The following PBRM1 variants were observed in gnomAD, a reference collection of about 807,000 sequenced individuals.
PBRM1 encodes the protein protein polybromo-1.
Under a neutral mutation model 194.5 loss-of-function variants are expected in PBRM1, and 27 were observed. The ratio of observed to expected loss-of-function variants is 0.14; its 90% CI spans 0.10 to 0.19. The LOEUF (loss-of-function observed/expected upper bound fraction) is 0.19, where lower values mean the gene tolerates loss of function less well. PBRM1 is among the 10% of genes least tolerant of loss of function. The pLI, the probability that PBRM1 is intolerant of heterozygous loss-of-function variation, is 1.00. For synonymous variants in PBRM1, 655 were observed against 693.2 expected (o/e 0.94, Z 0.87); for missense variants, 1,466 against 2,077.2 (o/e 0.71, Z 5.72).
chr3:52,614,405 A>C (rs2094835980), intron 15 of PBRM1, among the ~76,000 whole-genome samples: 2 of 150,600 alleles, frequency 1.3e-5, no homozygotes, highest in African/African-American at 2.4e-5. Context: ...AAAAGCAAAA[A>C]AGCTAGTCTG....
chr3:52,581,379 G>A (rs930168892), intron 20 of PBRM1, among the ~76,000 whole-genome samples: 1 of 152,004 alleles, frequency 6.6e-6, no homozygotes, highest in Non-Finnish European at 1.5e-5. Context: ...GCATGATGGT[G>A]CGCGCCTGTA....
At chr3:52,645,116 C>G (rs1329569055) in intron 7 of PBRM1, among the ~76,000 whole-genome samples, 1 of 152,202 alleles carries the variant, frequency 6.6e-6, no homozygotes, top group African/African-American at 2.4e-5. Context: ...CAGTGGATGC[C>G]TGAAACCTTG....
chr3:52,554,265 G>T (rs2081732483), intron 27 of PBRM1, among the ~76,000 whole-genome samples: 1 of 152,226 alleles, frequency 6.6e-6, no homozygotes, highest in Admixed American at 6.5e-5. Flanking sequence ...AGTAGGAGAT[G>T]GAACAGATAC....
chr3:52,551,752 A>G (rs1469207850), intron 27 of PBRM1: 1 of 152,242 alleles, frequency 6.6e-6, no homozygotes, highest in Non-Finnish European at 1.5e-5. Context: ...CTGGCTGTGT[A>G]GAAGAATCGA....
At chr3:52,546,330 GATTT>G (rs2079671837), downstream of PBRM1, 1 of 231,940 alleles carries the variant, frequency 4.3e-6, no homozygotes, top group Non-Finnish European at 8.5e-6. Context: ...AGGAATTGAA[GATTT>G]ATCTGACTCA....
intron 27 of PBRM1, among the ~76,000 whole-genome samples, chr3:52,551,386 T>C (rs1451731186): frequency 6.6e-6 from 1 of 152,224 alleles, no homozygotes; most frequent in East Asian, 1.9e-4. Flanking sequence ...CACTTCCATC[T>C]GATAGAGTAG....
At chr3:52,601,129 G>A (rs1189870230) in intron 17 of PBRM1, among the ~76,000 whole-genome samples, 1 of 152,216 alleles carries the variant, frequency 6.6e-6, no homozygotes. Context: ...CCCTGAAGAT[G>A]TATCTGTGGT....
exon 17 of PBRM1, chr3:52,603,525 T>C: frequency 1.3e-6 from 2 of 1,595,862 alleles, no homozygotes; most frequent in Non-Finnish European, 8.6e-7. Context: ...ACCAACCTCT[T>C]TTTTCTTCTT....
At chr3:52,614,373 CAAAAAAAAAAAAA>C (rs1165930996) in intron 15 of PBRM1, among the ~76,000 whole-genome samples, 2 of 40,920 alleles carry the variant, frequency 4.9e-5, no homozygotes, top group African/African-American at 1.8e-4. Flanking sequence ...GATGCTTCAT[CAAAAAAAAAAAAA>C]AAAAAAAAAA....
intron 26 of PBRM1, among the ~76,000 whole-genome samples, chr3:52,556,570 G>T (rs2082267720): frequency 1.3e-5 from 2 of 152,204 alleles, no homozygotes; most frequent in African/African-American, 4.8e-5. Context: ...TGAAAGACAT[G>T]ACACTTGTCT....
chr3:52,671,266 T>C (rs1265486270), intron 2 of PBRM1, among the ~76,000 whole-genome samples: 1 of 152,170 alleles, frequency 6.6e-6, no homozygotes, highest in Non-Finnish European at 1.5e-5. Context: ...ATACTAATTC[T>C]CATAAATACT....
At chr3:52,597,161 T>A (rs903624442) in intron 17 of PBRM1, among the ~76,000 whole-genome samples, 4 of 152,220 alleles carry the variant, frequency 2.6e-5, no homozygotes, top group Non-Finnish European at 5.9e-5. Context: ...ACACAGCTGA[T>A]GCTGGGGTAT....
intron 10 of PBRM1, among the ~76,000 whole-genome samples, chr3:52,636,757 CAAAAAA>C (rs567776784): frequency 0.019 from 351 of 18,608 alleles, 1 homozygote; most frequent in East Asian, 0.13. Context: ...ACTCTGTCTC[CAAAAAA>C]AAAAAAAAAA....
At chr3:52,657,666 C>T (rs2096633759) in intron 5 of PBRM1, among the ~76,000 whole-genome samples, 1 of 152,076 alleles carries the variant, frequency 6.6e-6, no homozygotes, top group Non-Finnish European at 1.5e-5. Flanking sequence ...GATGGGTTTT[C>T]ACCACATTGG....
At chr3:52,604,007 T>A (rs1010490720) in intron 16 of PBRM1, among the ~76,000 whole-genome samples, 2 of 152,216 alleles carry the variant, frequency 1.3e-5, no homozygotes, top group Non-Finnish European at 2.9e-5. Flanking sequence ...CTTGGAGATA[T>A]ATGGCACACG....
At chr3:52,565,042 T>C (rs1174533273) in intron 22 of PBRM1, among the ~76,000 whole-genome samples, 1 of 151,454 alleles carries the variant, frequency 6.6e-6, no homozygotes, top group African/African-American at 2.4e-5. Context: ...CTACTAAAAA[T>C]ACAAAAATTA....
At chr3:52,569,355 C>T (rs1402411336) in intron 22 of PBRM1, among the ~76,000 whole-genome samples, 1 of 152,030 alleles carries the variant, frequency 6.6e-6, no homozygotes, top group Non-Finnish European at 1.5e-5. Context: ...GGACTACAGG[C>T]GCCCGCCGCC....
At position 52,616,419 on chromosome 3, in the gene PBRM1, C is replaced by T. The variant is rs187587192; in HGVS notation, c.1818+843G>A. Among the ~76,000 whole-genome samples the T allele has an allele frequency of 1.1e-4, 16 of 152,254 alleles. No individual in the cohort carries two copies. In the East Asian group the frequency reaches 2.9e-3, roughly 28 times the overall value. ...TAAAAATCAAGAAGCTTTGGCCAGGCGCAGTGGCTCACGCCTGTAATCCCA... is the reference window on the plus strand; with the variant it reads ...TAAAAATCAAGAAGCTTTGGCCAGGTGCAGTGGCTCACGCCTGTAATCCCA... On this transcript the variant is annotated intron_variant, in intron 14 of 29. Transcript: ENST00000296302.
chr3:52,621,108 TA>T (rs994147390), intron 13 of PBRM1, among the ~76,000 whole-genome samples: 2 of 152,240 alleles, frequency 1.3e-5, no homozygotes, highest in Non-Finnish European at 2.9e-5. Flanking sequence ...TCTGAAAGTT[TA>T]AAATACTTTC....
Sources: gnomAD v4.1 joint callset for allele counts (sites outside exome capture counted in the v4.1 genomes callset) on GRCh38, gnomAD v4.1.1 for gene constraint, MANE v1.5 for transcripts, NCBI Gene and HGNC (gene_info 2026-07-23, HGNC 2026-07-21) for gene names.